The following RFT1 variants were observed in gnomAD, a reference collection of about 807,000 sequenced individuals.
RFT1 encodes RFT1 glycolipid translocator homolog.
In RFT1, 43 loss-of-function variants were observed where a neutral mutation model predicts 62.2. The ratio of observed to expected loss-of-function variants is 0.69; its 90% CI spans 0.54 to 0.89. The LOEUF (loss-of-function observed/expected upper bound fraction) is 0.89. Ranked by LOEUF, RFT1 falls within the 40% of genes least tolerant of loss-of-function variation. RFT1 has a pLI of 0.00. For synonymous variants in RFT1, 262 were observed against 264.6 expected (o/e 0.99, Z 0.10); for missense variants, 605 against 649.9 (o/e 0.93, Z 0.75).
chr3:53,130,180 A>G (rs1702221902), intron 1 of RFT1, among the ~76,000 whole-genome samples, 158 bp downstream of exon 1: 1 of 152,110 alleles, frequency 6.6e-6, no homozygotes, highest in African/African-American at 2.4e-5. Context: ...GTCCCCCCTC[A>G]TCAATGCCAC....
chr3:53,082,584 C>T, the RFT1 span, among the ~76,000 whole-genome samples: 38 of 152,116 alleles, frequency 2.5e-4, no homozygotes, highest in African/African-American at 8.9e-4. Context: ...AGGGGTTGAC[C>T]CCAGTTGTGT....
rs1350799159 is a variant in RFT1, at chr3:53,130,433, G to A, written c.-33C>T. 4 of 1,548,588 alleles carry A rather than the reference G, an allele frequency of 2.6e-6. No homozygotes were observed. Among genetic ancestry groups the A allele is most frequent in the South Asian group, 1.2e-5 (1 of 84,030 alleles). ...GCGCCAGGCTCAGACACCAGGAAAT[G>A]CCGCCGCCACTCCGTTTAGTCGCGA... On this transcript the variant is annotated 5_prime_UTR_variant, in exon 1 of 13. Coordinates refer to ENST00000296292, the MANE Select transcript of RFT1 (RefSeq NM_052859.4).
chr3:53,106,819 C>T lies in RFT1; in HGVS notation c.826G>A (p.Gly276Ser). Residue 276 changes from glycine to serine, a missense_variant and splice_region_variant, in exon 8 of 13, where the codon GGT becomes AGT. Coordinates refer to ENST00000296292, the MANE Select transcript of RFT1 (RefSeq NM_052859.4). ...AAAACACTACAGAATTTCATCTTAC[C>T]CTGATCACCAAAGTTCAATACATTC... is the stretch of plus-strand genomic sequence containing the variant. ...FLNVLNFGDQ[G>S]VYDIVNNLGS... 6.2e-7 allele frequency: 1 copy of T among 1,610,844 alleles called. No homozygotes were observed. The highest frequency in any genetic ancestry group is 2.2e-5 in the East Asian group (1 of 44,780).
chr3:53,095,932 C>A (rs911609199), intron 11 of RFT1, among the ~76,000 whole-genome samples: 3 of 152,128 alleles, frequency 2.0e-5, no homozygotes, highest in Non-Finnish European at 4.4e-5. Context: ...TCCACTTTGG[C>A]ACTCAAAGGC....
chr3:53,106,131 G>A (rs1450988060), intron 8 of RFT1, among the ~76,000 whole-genome samples: 1 of 152,134 alleles, frequency 6.6e-6, no homozygotes, highest in East Asian at 1.9e-4. Context: ...TATTTGGGAG[G>A]CTGAGGTGGG....
intron 11 of RFT1, among the ~76,000 whole-genome samples, chr3:53,098,672 C>T (rs368369080): frequency 6.6e-6 from 1 of 151,828 alleles, no homozygotes; most frequent in Non-Finnish European, 1.5e-5. Flanking sequence ...CATGGTGGCA[C>T]GCGCCTGTAG....
At chr3:53,114,968 C>T (rs1321378292) in intron 6 of RFT1, among the ~76,000 whole-genome samples, 1 of 152,158 alleles carries the variant, frequency 6.6e-6, no homozygotes, top group Non-Finnish European at 1.5e-5. Flanking sequence ...TCTGTCACCT[C>T]CTCCACCCTA....
intron 11 of RFT1, among the ~76,000 whole-genome samples, chr3:53,097,928 A>G (rs1478505619): frequency 6.6e-6 from 1 of 152,268 alleles, no homozygotes; most frequent in Admixed American, 6.5e-5. Context: ...TGAAAACCAC[A>G]TCTAGACTAC....
chr3:53,106,386 C>T lies in RFT1; in HGVS notation c.826+433G>A, dbSNP rs895489157. Among the ~76,000 whole-genome samples the T allele has an allele frequency of 3.3e-5, 5 of 152,238 alleles. No individual in the cohort carries two copies. In the South Asian group the frequency reaches 8.3e-4, roughly 25 times the overall value. On this transcript the variant is annotated intron_variant, in intron 8 of 12. Coordinates refer to ENST00000296292, the MANE Select transcript of RFT1 (RefSeq NM_052859.4). ...GATACAGTCAAGATACAGAATGCTT[C>T]CATCAACAGTACTTTCTTATACAGG...
At chr3:53,120,765 C>G (rs1232306850) in intron 5 of RFT1, among the ~76,000 whole-genome samples, 1 of 152,220 alleles carries the variant, frequency 6.6e-6, no homozygotes, top group East Asian at 1.9e-4. Context: ...TGCTTTCAAC[C>G]TGGCAATATC....
At chr3:53,076,403 G>T in the RFT1 span, among the ~76,000 whole-genome samples, 1 of 152,162 alleles carries the variant, frequency 6.6e-6, no homozygotes, top group African/African-American at 2.4e-5. Context: ...GTATGATTTT[G>T]TAGGGAAGAA....
rs572009161 is a variant in RFT1 at position 53,104,207 on chromosome 3, C to T, written c.958-110G>A. The T allele has an allele frequency of 4.3e-5, 47 of 1,087,196 alleles. No individual in the cohort carries two copies. The South Asian group carries it at 6.0e-4, about 14-fold the overall frequency. The allele number at this position is 1,087,196 out of a possible 1,614,324, so 67.3% of individuals were successfully genotyped here. A position where few individuals can be genotyped will look rare whatever the true frequency, so the allele number is the denominator to read the frequency against. On this transcript the variant is annotated intron_variant, in intron 9 of 12. Transcript: ENST00000296292. ...ACTGTTTTACAGTTCACTCTTCCAA[C>T]AGCGTGATGGATATCACTATTTTTT...
intron 11 of RFT1, among the ~76,000 whole-genome samples, chr3:53,095,708 C>A (rs950415183): frequency 1.6e-5 from 2 of 127,894 alleles, no homozygotes; most frequent in African/African-American, 6.0e-5. Flanking sequence ...AGAGTGAGAC[C>A]CTGTCTCAAA....
chr3:53,086,121 A>G (rs1402456926), downstream of RFT1, among the ~76,000 whole-genome samples: 3 of 152,212 alleles, frequency 2.0e-5, no homozygotes, highest in Admixed American at 6.5e-5. Context: ...CAAATGAAAT[A>G]TTTACAACAT....
In RFT1 at chr3:53,123,723, C is replaced by T. The variant is rs371764423; in HGVS notation, c.266+1G>A. On this transcript the variant is annotated splice_donor_variant, in intron 3 of 12. Coordinates refer to ENST00000296292, the MANE Select transcript of RFT1 (RefSeq NM_052859.4). LOFTEE classifies it high-confidence loss of function. Reference sequence around the variant, plus strand: ...GTGTCTCCTGCCAAAGCACAACTCACGTTAGCCACAGCAGGTTGAGGGTCT... The same window carrying T: ...GTGTCTCCTGCCAAAGCACAACTCATGTTAGCCACAGCAGGTTGAGGGTCT... 4 of 1,611,696 alleles carry T rather than the reference C, an allele frequency of 2.5e-6. No individual in the cohort carries two copies. Among genetic ancestry groups the T allele is most frequent in the African/African-American group, 1.3e-5 (1 of 75,008 alleles).
intron 2 of RFT1, among the ~76,000 whole-genome samples, chr3:53,125,259 C>T (rs1015971751): frequency 5.3e-5 from 8 of 152,208 alleles, no homozygotes; most frequent in Non-Finnish European, 7.3e-5. Flanking sequence ...GAAGACACAC[C>T]TGAGAAGCTG....
chr3:53,106,951 T>C, intron 7 of RFT1, 82 bp from the exon 8 acceptor site: 1 of 1,028,372 alleles, frequency 9.7e-7, no homozygotes, highest in Non-Finnish European at 1.5e-6. Context: ...GCTATCAACT[T>C]TTCCAGCTGA....
intron 11 of RFT1, among the ~76,000 whole-genome samples, chr3:53,098,598 C>G (rs145523486): frequency 9.3e-4 from 142 of 152,054 alleles, no homozygotes; most frequent in South Asian, 4.8e-3. Flanking sequence ...GTCAGGAGAT[C>G]GAGACCAACC....
the RFT1 span, among the ~76,000 whole-genome samples, chr3:53,075,746 C>A: frequency 2.0e-5 from 3 of 152,166 alleles, no homozygotes; most frequent in African/African-American, 4.8e-5. Context: ...TTAGCCTCCT[C>A]TGACCAGCAA....
Sources: gnomAD v4.1 joint callset for allele counts (sites outside exome capture counted in the v4.1 genomes callset) on GRCh38, gnomAD v4.1.1 for gene constraint, MANE v1.5 for transcripts, NCBI Gene and HGNC (gene_info 2026-07-23, HGNC 2026-07-21) for gene names.